Variants in MAGI1 observed in about 807,000 individuals in gnomAD.
MAGI1 encodes the protein membrane-associated guanylate kinase, WW and PDZ domain-containing protein 1.
MAGI1 carries 58 observed loss-of-function variants against 139.9 expected under a neutral mutation model. The ratio of observed to expected loss-of-function variants is 0.41; its 90% CI spans 0.34 to 0.52. MAGI1 has a LOEUF of 0.52. Ranked by LOEUF, MAGI1 falls within the 20% of genes least tolerant of loss-of-function variation. The probability of loss-of-function intolerance (pLI) is 0.12; values close to 1 mark genes in which losing one functional copy is unlikely to be tolerated. For missense variants in MAGI1, 1,874 were observed against 1,901.6 expected, an observed-to-expected ratio of 0.99 and a Z score of 0.27; for synonymous variants, 812 against 737.9, an observed-to-expected ratio of 1.10 and a Z score of -1.63.
chr3:65,978,778 C>T (rs1385008550), intron 1 of MAGI1, among the ~76,000 whole-genome samples: 1 of 152,060 alleles, frequency 6.6e-6, no homozygotes, highest in Non-Finnish European at 1.5e-5. Flanking sequence ...CAGGCATGCG[C>T]CACCACGCCC....
chr3:65,980,855 A>C (rs1282654953), intron 1 of MAGI1, among the ~76,000 whole-genome samples: 7 of 152,188 alleles, frequency 4.6e-5, no homozygotes, highest in Non-Finnish European at 1.5e-5. Flanking sequence ...AAAATGAAAT[A>C]GAATTAGAAA....
intron 4 of MAGI1, among the ~76,000 whole-genome samples, chr3:65,471,339 T>C (rs1950549645): frequency 6.6e-6 from 1 of 152,216 alleles, no homozygotes; most frequent in African/African-American, 2.4e-5. Flanking sequence ...TAAAACTGAA[T>C]AATCAGGGTA....
chr3:65,492,207 A>T (rs1952087768), intron 3 of MAGI1, among the ~76,000 whole-genome samples: 1 of 152,256 alleles, frequency 6.6e-6, no homozygotes, highest in Non-Finnish European at 1.5e-5. Context: ...CCTAGTTAAT[A>T]GTATCATTAC....
chr3:65,545,953 TG>T (rs970720719), intron 2 of MAGI1, among the ~76,000 whole-genome samples: 11 of 151,572 alleles, frequency 7.3e-5, no homozygotes, highest in African/African-American at 2.7e-4. Context: ...AATTAGTACA[TG>T]GGCATAATGG....
intron 3 of MAGI1, among the ~76,000 whole-genome samples, chr3:65,484,485 G>A (rs889279611): frequency 6.6e-6 from 1 of 152,194 alleles, no homozygotes; most frequent in Admixed American, 6.5e-5. Flanking sequence ...GAGGGGGAGA[G>A]AGGTACAAAA....
intron 21 of MAGI1, among the ~76,000 whole-genome samples, chr3:65,362,261 T>C (rs1364494662): frequency 1.3e-5 from 2 of 152,202 alleles, no homozygotes; most frequent in Non-Finnish European, 2.9e-5. Context: ...ATGTAAACTA[T>C]ACACCATTAT....
At chr3:66,024,072 C>T (rs1479312604) in intron 1 of MAGI1, among the ~76,000 whole-genome samples, 1 of 152,080 alleles carries the variant, frequency 6.6e-6, no homozygotes, top group Non-Finnish European at 1.5e-5. Context: ...CACACATTTC[C>T]TGACCCTTTT....
At chr3:65,437,013 T>C (rs1000514925) in intron 10 of MAGI1, 142 bp downstream of exon 10, 1 of 490,184 alleles carries the variant, frequency 2.0e-6, no homozygotes, top group South Asian at 4.9e-5. Flanking sequence ...TAACAATACA[T>C]TTATCATTGT....
In MAGI1 at chr3:65,751,612, G is replaced by A. The variant is rs78238044; in HGVS notation, c.314-129524C>T. ...TAATAGAGGCCTTAGGAAAGAGAGA[G>A]ATGACAAAGGCAGTTTCCAAATGTC... is the stretch of plus-strand genomic sequence containing the variant. On this transcript the variant is annotated intron_variant, in intron 1 of 22. Transcript: ENST00000402939. 4.1e-3 allele frequency among the ~76,000 whole-genome samples: 629 copies of A among 152,314 alleles called. 7 individuals are homozygous for A. The highest frequency in any genetic ancestry group is 0.015 in the African/African-American group (606 of 41,572).
chr3:65,492,406 A>G (rs1576000116), intron 3 of MAGI1, among the ~76,000 whole-genome samples: 1 of 152,268 alleles, frequency 6.6e-6, no homozygotes, highest in Non-Finnish European at 1.5e-5. Context: ...GTTTAGAAAT[A>G]TGAAACATTG....
intron 2 of MAGI1, among the ~76,000 whole-genome samples, chr3:65,545,828 G>C (rs1284732330): frequency 1.3e-5 from 2 of 152,006 alleles, no homozygotes; most frequent in Non-Finnish European, 2.9e-5. Flanking sequence ...ACTTAGCCAT[G>C]GCGAGAAAAT....
intron 1 of MAGI1, among the ~76,000 whole-genome samples, chr3:65,710,452 G>C (rs992873699): frequency 9.9e-5 from 15 of 151,636 alleles, no homozygotes; most frequent in Middle Eastern, 3.4e-3. Context: ...GGCTAATTTT[G>C]TATTTTTAGT....
chr3:65,892,963 G>C (rs1256043167), intron 1 of MAGI1, among the ~76,000 whole-genome samples: 1 of 152,156 alleles, frequency 6.6e-6, no homozygotes, highest in African/African-American at 2.4e-5. Flanking sequence ...CTTTTAGCCT[G>C]AAAGTAAAAC....
intron 2 of MAGI1, among the ~76,000 whole-genome samples, chr3:65,572,818 C>T (rs954242660): frequency 1.3e-5 from 2 of 151,728 alleles, no homozygotes; most frequent in Non-Finnish European, 2.9e-5. Flanking sequence ...TGTCTAGTTA[C>T]AAAAACCCAT....
chr3:65,653,063 A>C (rs2107324702), intron 1 of MAGI1, among the ~76,000 whole-genome samples: 1 of 152,230 alleles, frequency 6.6e-6, no homozygotes, highest in Middle Eastern at 3.4e-3. Flanking sequence ...GAATAATCTC[A>C]ATGAGATGAG....
chr3:65,555,936 C>T (rs1402199807), intron 2 of MAGI1, among the ~76,000 whole-genome samples: 1 of 152,152 alleles, frequency 6.6e-6, no homozygotes, highest in African/African-American at 2.4e-5. Flanking sequence ...ATGTTTCTTG[C>T]CTAGAATGTA....
At chr3:65,410,274 A>C (rs925301788) in intron 12 of MAGI1, among the ~76,000 whole-genome samples, 2 of 152,194 alleles carry the variant, frequency 1.3e-5, no homozygotes, top group Non-Finnish European at 2.9e-5. Context: ...ATAACTAAAA[A>C]GTATTCAGAG....
chr3:65,492,901 AC>A (rs1200364074), intron 3 of MAGI1, among the ~76,000 whole-genome samples: 2 of 152,002 alleles, frequency 1.3e-5, no homozygotes, highest in African/African-American at 4.8e-5. Flanking sequence ...ACACGGTGAA[AC>A]CCTGTCTCTA....
At chr3:65,403,769 T>C (rs1945102592) in intron 12 of MAGI1, among the ~76,000 whole-genome samples, 1 of 152,172 alleles carries the variant, frequency 6.6e-6, no homozygotes, top group African/African-American at 2.4e-5. Context: ...TCCCTTCTCT[T>C]AAGAGCTTCA....
Sources: gnomAD v4.1 joint callset for allele counts (sites outside exome capture counted in the v4.1 genomes callset) on GRCh38, gnomAD v4.1.1 for gene constraint, MANE v1.5 for transcripts, NCBI Gene and HGNC (gene_info 2026-07-23, HGNC 2026-07-21) for gene names.